The following UCHL5 variants were observed in gnomAD, a reference collection of about 807,000 sequenced individuals.
The protein encoded by UCHL5 is ubiquitin C-terminal hydrolase L5, also known as ubiquitin carboxyl-terminal hydrolase isozyme L5.
UCHL5 carries 34 observed loss-of-function variants against 53.8 expected under a neutral mutation model. The ratio of observed to expected loss-of-function variants is 0.63; its 90% CI spans 0.48 to 0.84. UCHL5 has a LOEUF of 0.84. UCHL5 is among the 40% of genes least tolerant of loss of function. The probability of loss-of-function intolerance (pLI) is 0.00; values close to 1 mark genes in which losing one functional copy is unlikely to be tolerated. For missense variants in UCHL5, 290 were observed against 385.6 expected (o/e 0.75, Z 2.08); for synonymous variants, 111 against 126.3 (o/e 0.88, Z 0.81).
chr1:193,021,443 A>G (rs1656972851), intron 9 of UCHL5, among the ~76,000 whole-genome samples: 3 of 152,202 alleles, frequency 2.0e-5, no homozygotes, highest in Admixed American at 2.0e-4. Context: ...CCAATCTAAC[A>G]TTACTTATGA....
intron 6 of UCHL5, among the ~76,000 whole-genome samples, chr1:193,028,940 C>G (rs1660358800): frequency 6.6e-6 from 1 of 151,962 alleles, no homozygotes; most frequent in Non-Finnish European, 1.5e-5. Context: ...ATTATGTAAC[C>G]TATAGGTTAA....
At position 193,059,310 on chromosome 1, in the gene UCHL5, C is replaced by G. The variant is rs745405590; in HGVS notation, c.-50G>C. The G allele has an allele frequency of 1.2e-6, 2 of 1,609,606 alleles. No individual in the cohort carries two copies. Among genetic ancestry groups the G allele is most frequent in the African/African-American group, 2.7e-5 (2 of 74,862 alleles). On this transcript the variant is annotated 5_prime_UTR_variant, in exon 1 of 11. Transcript: ENST00000367454. This position sits in a 1 kb window ranked among gnomAD's most constrained non-coding sequence, Gnocchi z 4.9. ...TCCACCTCTCGCTCTCAGCTGCCCCCCGCACCAGCTGCCGCCGGCCACAGA... is the reference window on the plus strand; with the variant it reads ...TCCACCTCTCGCTCTCAGCTGCCCCGCGCACCAGCTGCCGCCGGCCACAGA...
At position 193,014,792 on chromosome 1, in the gene UCHL5, A is replaced by T. The variant is rs913215016; in HGVS notation, c.*1559T>A. On this transcript the variant is annotated 3_prime_UTR_variant, in exon 11 of 11. Coordinates refer to ENST00000367454, the MANE Select transcript of UCHL5 (RefSeq NM_001199261.3). Reference sequence around the variant, plus strand: ...GTTTTCAGGCTCTCTCTTCTGTTCCATTGCTTTATTTGTCAATCCTAGTGC... The same window carrying T: ...GTTTTCAGGCTCTCTCTTCTGTTCCTTTGCTTTATTTGTCAATCCTAGTGC... The T allele has an allele frequency of 1.1e-4, 17 of 152,126 alleles. No homozygotes were observed. The highest frequency in any genetic ancestry group is 4.1e-4 in the African/African-American group (17 of 41,538). 9.4% of individuals were successfully genotyped at this position (152,126 alleles called of 1,614,324 possible). A position where few individuals can be genotyped will look rare whatever the true frequency, so the allele number is the denominator to read the frequency against.
intron 7 of UCHL5, among the ~76,000 whole-genome samples, chr1:193,024,592 AAT>A (rs1658437942): frequency 6.7e-6 from 1 of 148,572 alleles, no homozygotes; most frequent in Non-Finnish European, 1.5e-5. Flanking sequence ...TATGTAAATA[AAT>A]ATAACATATT....
At chr1:193,042,591 C>G (rs1665960127) in intron 3 of UCHL5, among the ~76,000 whole-genome samples, 1 of 152,174 alleles carries the variant, frequency 6.6e-6, no homozygotes, top group African/African-American at 2.4e-5. Flanking sequence ...TCACATCTGT[C>G]TTTACTTCCA....
At chr1:193,059,852 A>G (rs1255272862), upstream of UCHL5, 4 of 1,363,128 alleles carry the variant, frequency 2.9e-6, no homozygotes, top group South Asian at 2.3e-5. The surrounding 1 kb of genome is among the most constrained non-coding windows in gnomAD (Gnocchi z 4.9). Context: ...CCAGTCCTCC[A>G]TGTCTCTCAC....
At chr1:193,058,080 A>T (rs1671274182) in intron 1 of UCHL5, among the ~76,000 whole-genome samples, 1 of 151,732 alleles carries the variant, frequency 6.6e-6, no homozygotes, top group African/African-American at 2.4e-5. Flanking sequence ...AAAAAAAATT[A>T]GCCGGGCATG....
chr1:193,045,404 G>A (rs1469873438), intron 3 of UCHL5, among the ~76,000 whole-genome samples: 2 of 152,172 alleles, frequency 1.3e-5, no homozygotes, highest in Non-Finnish European at 2.9e-5. Context: ...GAATGGCTTA[G>A]GCCATCCCCT....
chr1:193,032,159 G>C (rs561085179), intron 3 of UCHL5, among the ~76,000 whole-genome samples: 1 of 152,226 alleles, frequency 6.6e-6, no homozygotes, highest in African/African-American at 2.4e-5. Context: ...CCCCAGACTA[G>C]AGAATTTCTT....
chr1:193,043,872 G>C (rs1033001318), intron 3 of UCHL5, among the ~76,000 whole-genome samples: 6 of 152,192 alleles, frequency 3.9e-5, no homozygotes, highest in African/African-American at 1.4e-4. Flanking sequence ...TGGAAGCTCT[G>C]CACATGGAAC....
intron 3 of UCHL5, among the ~76,000 whole-genome samples, chr1:193,042,266 G>A (rs1024363706): frequency 6.6e-6 from 1 of 152,206 alleles, no homozygotes; most frequent in Non-Finnish European, 1.5e-5. Flanking sequence ...TGGATGGAGA[G>A]AGGGAAGACG....
intron 10 of UCHL5, among the ~76,000 whole-genome samples, chr1:193,017,561 A>G (rs1270161960): frequency 6.6e-6 from 1 of 151,622 alleles, no homozygotes; most frequent in East Asian, 1.9e-4. Context: ...GTCCTCAAAT[A>G]ATAAATATAA....
chr1:193,016,478 T>C (rs1007529666), intron 10 of UCHL5, 83 bp from the exon 11 acceptor site: 1 of 1,287,660 alleles, frequency 7.8e-7, no homozygotes, highest in Non-Finnish European at 1.1e-6. Context: ...AAGAGGGTAT[T>C]CTCAAGCTGA....
chr1:193,023,638 T>G (rs912970954), intron 8 of UCHL5, among the ~76,000 whole-genome samples: 1 of 152,194 alleles, frequency 6.6e-6, no homozygotes, highest in Admixed American at 6.5e-5. Flanking sequence ...TTATGCTATA[T>G]GAAGAAACTG....
At chr1:193,035,340 G>A (rs950622914) in intron 3 of UCHL5, among the ~76,000 whole-genome samples, 1 of 151,954 alleles carries the variant, frequency 6.6e-6, no homozygotes, top group African/African-American at 2.4e-5. Flanking sequence ...CCTAAAGGCA[G>A]TAAGGGAAAA....
At chr1:193,026,553 A>G (rs1437957906) in intron 7 of UCHL5, among the ~76,000 whole-genome samples, 1 of 152,220 alleles carries the variant, frequency 6.6e-6, no homozygotes, top group Non-Finnish European at 1.5e-5. Flanking sequence ...AAGTATCACT[A>G]TACATCTATT....
chr1:193,056,579 C>T (rs886850341), intron 1 of UCHL5, among the ~76,000 whole-genome samples: 1 of 152,092 alleles, frequency 6.6e-6, no homozygotes, highest in African/African-American at 2.4e-5. Flanking sequence ...GTGGACCATA[C>T]CAATTAAAAG....
chr1:193,020,358 T>C lies in UCHL5; in HGVS notation c.942+739A>G, dbSNP rs192867351. The stretch of plus-strand genomic sequence containing the variant: ...GTCCAAAATTTTATTTGCCTAGTAG[T>C]GTCTTCTCAAAGTGTTTCTCAAACT... On this transcript the variant is annotated intron_variant, in intron 10 of 10. Transcript: ENST00000367454. 607 of 1,548,404 alleles carry C rather than the reference T, an allele frequency of 3.9e-4. 1 individual carries two copies. The highest frequency in any genetic ancestry group is 2.0e-4 in the Non-Finnish European group (229 of 1,145,548).
Position 193,023,027 on chromosome 1 carries a change from C to T in UCHL5, c.742G>A (p.Asp248Asn). 1 of 1,611,528 alleles carries T rather than the reference C, an allele frequency of 6.2e-7. No individual in the cohort carries two copies. The highest frequency in any genetic ancestry group is 8.5e-7 in the Non-Finnish European group (1 of 1,178,546). ...LQRQLAEEPM[D>N]TDQGNSMLSA... ...AACATACTATTACCTTGATCTGTAT[C>T]CATGGGTTCCTCCTTGGGGGAAGGA... Residue 248 changes from aspartate to asparagine, a missense_variant, in exon 9 of 11, where the codon GAT (aspartate) becomes AAT (asparagine). By Grantham distance (23) the Asp-to-Asn change is conservative (BLOSUM62 1). Coordinates refer to ENST00000367454, the MANE Select transcript of UCHL5 (RefSeq NM_001199261.3).
Sources: allele counts gnomAD v4.1 joint callset (sites outside exome capture counted in the v4.1 genomes callset), GRCh38; gene constraint gnomAD v4.1.1; non-coding constraint Gnocchi (gnomAD v3.1); transcripts MANE v1.5; gene names NCBI Gene and HGNC (gene_info 2026-07-23, HGNC 2026-07-21).